The following SFMBT1 variants were observed in gnomAD, a reference collection of about 807,000 sequenced individuals.
The protein encoded by SFMBT1 is scm-like with four MBT domains protein 1.
In SFMBT1, 32 loss-of-function variants were observed where a neutral mutation model predicts 108.7. The ratio of observed to expected loss-of-function variants is 0.29; its 90% CI spans 0.22 to 0.40. The LOEUF (loss-of-function observed/expected upper bound fraction) is 0.40. SFMBT1 is among the 10% of genes least tolerant of loss of function. The pLI is 1.00. For missense variants in SFMBT1, 816 were observed against 1,059.6 expected (o/e 0.77, Z 3.19); for synonymous variants, 348 against 369.5 (o/e 0.94, Z 0.67).
At chr3:53,033,087 C>T (rs948060001) in intron 1 of SFMBT1, among the ~76,000 whole-genome samples, 2 of 151,998 alleles carry the variant, frequency 1.3e-5, no homozygotes, top group Non-Finnish European at 2.9e-5. Flanking sequence ...GTAGGAGGAT[C>T]GTTTGAGGCC....
At chr3:52,990,230 C>G (rs1235965464) in intron 1 of SFMBT1, among the ~76,000 whole-genome samples, 2 of 152,174 alleles carry the variant, frequency 1.3e-5, no homozygotes, top group Admixed American at 6.5e-5. Context: ...CCTCAGTTTT[C>G]TCTTATAGGA....
Position 52,930,794 on chromosome 3 carries a change from C to T in SFMBT1, c.795+147G>A, listed in dbSNP as rs920969441. ...ACTGTTAGAAGAAAACAAGGATGAT[C>T]ATCAGTCCAGCCTTAACACACCCTC... On this transcript the variant is annotated intron_variant, in intron 7 of 20. Transcript: ENST00000394752. 7 of 634,498 alleles carry T rather than the reference C, an allele frequency of 1.1e-5. No individual in the cohort carries two copies. In the Admixed American group the frequency reaches 2.0e-4, roughly 19 times the overall value. 39.3% of individuals were successfully genotyped at this position (634,498 alleles called of 1,614,324 possible).
chr3:52,942,854 T>C (rs1181625148), intron 4 of SFMBT1, among the ~76,000 whole-genome samples: 1 of 152,224 alleles, frequency 6.6e-6, no homozygotes, highest in African/African-American at 2.4e-5. Context: ...CTCTTATCTT[T>C]CCCCACCTTT....
At chr3:52,936,990 C>T (rs574172006) in intron 4 of SFMBT1, among the ~76,000 whole-genome samples, 36 of 151,054 alleles carry the variant, frequency 2.4e-4, no homozygotes, top group Middle Eastern at 3.2e-3. Context: ...TACAGGCGCC[C>T]GCCACCATGC....
At chr3:53,022,412 T>TGCACTCCA (rs1223267553) in intron 1 of SFMBT1, among the ~76,000 whole-genome samples, 1 of 136,216 alleles carries the variant, frequency 7.3e-6, no homozygotes, top group East Asian at 2.1e-4. Context: ...ATCACACCAC[T>TGCACTCCA]GCACTCCAGC....
At chr3:53,041,919 T>C (rs947521106) in intron 1 of SFMBT1, among the ~76,000 whole-genome samples, 5 of 152,102 alleles carry the variant, frequency 3.3e-5, no homozygotes, top group African/African-American at 7.2e-5. Context: ...AGGTAACGAA[T>C]GCTATATACT....
chr3:53,009,143 AG>A (rs1412527292), intron 1 of SFMBT1, among the ~76,000 whole-genome samples: 1 of 151,948 alleles, frequency 6.6e-6, no homozygotes, highest in Admixed American at 6.6e-5. Flanking sequence ...AAGAAAAAAC[AG>A]GAAGTGAGAA....
intron 1 of SFMBT1, among the ~76,000 whole-genome samples, chr3:52,999,295 G>A (rs1176288445): frequency 6.7e-6 from 1 of 150,348 alleles, no homozygotes; most frequent in Non-Finnish European, 1.5e-5. Flanking sequence ...AGGAGGCCAA[G>A]CACAGCCGTG....
chr3:52,913,377 C>G (rs1249576190), intron 15 of SFMBT1, 101 bp downstream of exon 15: 2 of 1,421,054 alleles, frequency 1.4e-6, no homozygotes, highest in Non-Finnish European at 1.9e-6. Flanking sequence ...TTTGATAAAA[C>G]CTAGAACTGT....
intron 4 of SFMBT1, among the ~76,000 whole-genome samples, chr3:52,937,608 A>C (rs1342115510): frequency 6.7e-6 from 1 of 149,082 alleles, no homozygotes; most frequent in Non-Finnish European, 1.5e-5. Context: ...TTTGAGACGG[A>C]GTCTTGCTCT....
At chr3:52,956,633 C>A (rs897589880) in intron 2 of SFMBT1, among the ~76,000 whole-genome samples, 7 of 151,842 alleles carry the variant, frequency 4.6e-5, no homozygotes, top group Non-Finnish European at 1.5e-5. Context: ...TGGTGGCGTG[C>A]GCTTATAGTC....
At chr3:52,915,732 A>AT (rs1422994860) in intron 14 of SFMBT1, among the ~76,000 whole-genome samples, 6 of 152,172 alleles carry the variant, frequency 3.9e-5, no homozygotes, top group East Asian at 3.8e-4. Flanking sequence ...CCATTGCTTT[A>AT]TTTTTTTCAC....
chr3:53,038,282 C>T (rs1380796312), intron 1 of SFMBT1, among the ~76,000 whole-genome samples: 1 of 152,114 alleles, frequency 6.6e-6, no homozygotes, highest in African/African-American at 2.4e-5. Context: ...GCTCTATGCT[C>T]TATTAGACAA....
Position 52,911,141 on chromosome 3 carries a change from C to A in SFMBT1, c.1768G>T (p.Val590Leu). Reference sequence around the variant, plus strand: ...TCAGTCACCCGATCTGCTGTTTTCACTATCTCAACAGTAGCCCGATAACTC... The same window carrying A: ...TCAGTCACCCGATCTGCTGTTTTCAATATCTCAACAGTAGCCCGATAACTC... ...GKSYRATVEIVKTADRVTEFC... is the reference protein window; with the variant it reads ...GKSYRATVEILKTADRVTEFC... Residue 590 changes from valine to leucine, a missense_variant, in exon 17 of 21, where the codon GTG (valine) becomes TTG (leucine). By Grantham distance (32) the Val-to-Leu change is conservative. Coordinates refer to ENST00000394752, the MANE Select transcript of SFMBT1 (RefSeq NM_016329.4). 1 of 1,613,760 alleles carries A rather than the reference C, an allele frequency of 6.2e-7. No homozygotes were observed. The highest frequency in any genetic ancestry group is 8.5e-7 in the Non-Finnish European group (1 of 1,179,814).
At chr3:52,925,162 A>C (rs1702624263) in intron 10 of SFMBT1, among the ~76,000 whole-genome samples, 1 of 152,316 alleles carries the variant, frequency 6.6e-6, no homozygotes, top group Admixed American at 6.5e-5. Context: ...CGGAGGCTAT[A>C]GTGAGCTGAG....
rs181844431 is a variant in SFMBT1 at position 52,976,321 on chromosome 3, C to A, written c.-130-7063G>T. On this transcript the variant is annotated intron_variant, in intron 1 of 20. Transcript: ENST00000394752. ...ATCAATAAAGTAAAATAAAGTTGAA[C>A]AAAATAGATCAATTTTTATGAGAGT... 1.8e-3 allele frequency among the ~76,000 whole-genome samples: 267 copies of A among 152,092 alleles called. 2 individuals are homozygous for A. The highest frequency in any genetic ancestry group is 5.0e-4 in the Non-Finnish European group (34 of 67,962).
intron 13 of SFMBT1, 141 bp from the exon 14 acceptor site, chr3:52,916,355 ACT>A: frequency 7.1e-5 from 32 of 450,912 alleles, no homozygotes; most frequent in Middle Eastern, 6.1e-4. Context: ...CCTTGATGAT[ACT>A]TTTTTTTTTT....
chr3:52,983,430 G>C (rs77274161), intron 1 of SFMBT1, among the ~76,000 whole-genome samples: 3,923 of 152,282 alleles, frequency 0.026, 183 homozygotes, highest in African/African-American at 0.09. Flanking sequence ...TAAAGTTTTT[G>C]AGAAGTCAAA....
Position 53,002,386 on chromosome 3 carries a change from G to A in SFMBT1, c.-130-33128C>T, listed in dbSNP as rs547179666. 2.4e-3 allele frequency among the ~76,000 whole-genome samples: 300 copies of A among 124,328 alleles called. 5 individuals carry two copies. Among genetic ancestry groups the A allele is most frequent in the African/African-American group, 8.2e-3 (279 of 34,210 alleles). 81.6% of individuals were successfully genotyped at this position (124,328 alleles called of 152,430 possible). A position where few individuals can be genotyped will look rare whatever the true frequency, so the allele number is the denominator to read the frequency against. On this transcript the variant is annotated intron_variant, in intron 1 of 20. Coordinates refer to ENST00000394752, the MANE Select transcript of SFMBT1 (RefSeq NM_016329.4). ...TGCACTCCAGCCTGGGTGACAGAGC[G>A]AGACTCCGTCTCAATAAAAAAAAAA...
Sources: gnomAD v4.1 joint callset for allele counts (sites outside exome capture counted in the v4.1 genomes callset) on GRCh38, gnomAD v4.1.1 for gene constraint, MANE v1.5 for transcripts, NCBI Gene and HGNC (gene_info 2026-07-23, HGNC 2026-07-21) for gene names.